The following CSGALNACT1 variants were observed in gnomAD, a reference collection of about 807,000 sequenced individuals.
CSGALNACT1 encodes the protein chondroitin sulfate N-acetylgalactosaminyltransferase 1.
A neutral mutation model predicts 51.0 loss-of-function variants in CSGALNACT1; 52 were observed. The ratio of observed to expected loss-of-function variants is 1.02; its 90% confidence interval spans 0.82 to 1.29. The LOEUF (loss-of-function observed/expected upper bound fraction) is 1.29, where lower values mean the gene tolerates loss of function less well. Ranked by LOEUF, CSGALNACT1 falls within the 50% of genes most tolerant of loss-of-function variation. The pLI, the probability that CSGALNACT1 is intolerant of heterozygous loss-of-function variation, is 0.00. For synonymous variants in CSGALNACT1, 341 were observed against 254.4 expected, an observed-to-expected ratio of 1.34 and a Z score of -3.24; for missense variants, 935 against 679.2, an observed-to-expected ratio of 1.38 and a Z score of -4.19.
At chr8:19,561,370 G>A (rs1172308481) in intron 3 of CSGALNACT1, among the ~76,000 whole-genome samples, 1 of 152,178 alleles carries the variant, frequency 6.6e-6, no homozygotes, top group Non-Finnish European at 1.5e-5. Context: ...TTTGGACATA[G>A]GTTGGATAAG....
At chr8:19,426,715 A>G (rs2058829028) in intron 6 of CSGALNACT1, among the ~76,000 whole-genome samples, 1 of 152,198 alleles carries the variant, frequency 6.6e-6, no homozygotes, top group Non-Finnish European at 1.5e-5. Context: ...AGTTACACAG[A>G]GTCATTTTTA....
intron 1 of CSGALNACT1, among the ~76,000 whole-genome samples, chr8:19,610,942 C>T (rs977453472): frequency 7.2e-5 from 11 of 152,236 alleles, no homozygotes; most frequent in African/African-American, 2.7e-4. Flanking sequence ...CTGTCAACGT[C>T]CACCCCGAGA....
chr8:19,528,863 C>G (rs902178886), intron 3 of CSGALNACT1, among the ~76,000 whole-genome samples: 1 of 152,144 alleles, frequency 6.6e-6, no homozygotes, highest in Non-Finnish European at 1.5e-5. Context: ...CCTAGATACC[C>G]CAAACGCTAA....
chr8:19,664,090 G>A (rs932617725), intron 1 of CSGALNACT1, among the ~76,000 whole-genome samples: 4 of 152,172 alleles, frequency 2.6e-5, no homozygotes, highest in Admixed American at 1.3e-4. Context: ...ACAATGGCTC[G>A]GCCCAGGCTC....
At chr8:19,677,907 T>C (rs2060312075) in intron 1 of CSGALNACT1, among the ~76,000 whole-genome samples, 1 of 152,058 alleles carries the variant, frequency 6.6e-6, no homozygotes, top group Non-Finnish European at 1.5e-5. Context: ...AAGACTGTTT[T>C]TCAATAAAAC....
Position 19,447,983 on chromosome 8 carries a change from A to T in CSGALNACT1, c.852-8052T>A, listed in dbSNP as rs759276298. On this transcript the variant is annotated intron_variant, in intron 5 of 9. Transcript: ENST00000454498. ...TGGTGGTGGGTACGGTAGCAGCAGCAGCCTCATGCCATTAGGGAGTGATAG... is the reference window on the plus strand; with the variant it reads ...TGGTGGTGGGTACGGTAGCAGCAGCTGCCTCATGCCATTAGGGAGTGATAG... Among the ~76,000 whole-genome samples the T allele has an allele frequency of 1.3e-5, 2 of 152,228 alleles. 1 individual carries two copies. The highest frequency in any genetic ancestry group is 2.9e-5 in the Non-Finnish European group (2 of 68,038).
chr8:19,484,093 T>C (rs2072229289), intron 4 of CSGALNACT1, among the ~76,000 whole-genome samples: 1 of 152,222 alleles, frequency 6.6e-6, no homozygotes, highest in Non-Finnish European at 1.5e-5. Context: ...TCTTAGGAGC[T>C]GTCACAGTGA....
At position 19,556,967 on chromosome 8, in the gene CSGALNACT1, ACT is replaced by A. The variant is rs199930322; in HGVS notation, c.-297+34191_-297+34192del. ...CACCACTGCAGATGAGAAGGATCAT[ACT>A]CTCTGCCCAGCCAAAAAAAAAAAAA... On this transcript the variant is annotated intron_variant, in intron 3 of 9. Transcript: ENST00000454498. Among the ~76,000 whole-genome samples the A allele has an allele frequency of 8.8e-3, 1,277 of 144,838 alleles. 20 individuals carry two copies. The highest frequency in any genetic ancestry group is 0.032 in the African/African-American group (1,222 of 38,146).
intron 1 of CSGALNACT1, among the ~76,000 whole-genome samples, chr8:19,659,776 C>T (rs1323813691): frequency 6.6e-6 from 1 of 152,184 alleles, no homozygotes; most frequent in Non-Finnish European, 1.5e-5. Context: ...GCATGCAGCT[C>T]AGAGCACTGT....
chr8:19,413,450 C>T (rs1479886431), intron 8 of CSGALNACT1, among the ~76,000 whole-genome samples: 6 of 152,120 alleles, frequency 3.9e-5, no homozygotes, highest in African/African-American at 7.2e-5. Flanking sequence ...CGTGAGATAA[C>T]GTGGGCACCG....
intron 4 of CSGALNACT1, among the ~76,000 whole-genome samples, chr8:19,502,768 C>A (rs1023553875): frequency 2.6e-5 from 4 of 152,192 alleles, no homozygotes; most frequent in African/African-American, 9.7e-5. Context: ...AAATCTCAAA[C>A]CAGACCTTTC....
chr8:19,635,406 G>A (rs55868162), intron 1 of CSGALNACT1, among the ~76,000 whole-genome samples: 1,791 of 152,322 alleles, frequency 0.012, 18 homozygotes, highest in Middle Eastern at 0.024. Flanking sequence ...GCCTACTGGT[G>A]TTTTTCCTCA....
intron 1 of CSGALNACT1, among the ~76,000 whole-genome samples, chr8:19,627,270 G>C (rs935699304): frequency 2.2e-4 from 33 of 152,088 alleles, no homozygotes; most frequent in African/African-American, 7.7e-4. Context: ...CAAGATTATA[G>C]AGAGTGAAAA....
chr8:19,595,964 A>AGG (rs2154138138), intron 2 of CSGALNACT1, among the ~76,000 whole-genome samples: 1 of 151,236 alleles, frequency 6.6e-6, no homozygotes, highest in African/African-American at 2.4e-5. Context: ...TTCTGGCTCA[A>AGG]GGGATCCTCC....
chr8:19,420,107 C>T (rs913647492), intron 7 of CSGALNACT1, among the ~76,000 whole-genome samples: 7 of 152,208 alleles, frequency 4.6e-5, no homozygotes, highest in African/African-American at 1.7e-4. Context: ...CCCAGCCATG[C>T]AGAACTATGA....
intron 6 of CSGALNACT1, among the ~76,000 whole-genome samples, chr8:19,429,570 A>G (rs978860350): frequency 4.6e-5 from 7 of 152,114 alleles, no homozygotes; most frequent in African/African-American, 1.4e-4. Flanking sequence ...CATTCTCTTT[A>G]TGTCTGAATA....
chr8:19,439,032 G>A (rs758916167), intron 6 of CSGALNACT1, among the ~76,000 whole-genome samples: 3 of 152,108 alleles, frequency 2.0e-5, no homozygotes, highest in Non-Finnish European at 4.4e-5. Flanking sequence ...ACCTTCACTT[G>A]CACAGAAACC....
chr8:19,507,872 C>T (rs1465188727), intron 3 of CSGALNACT1, among the ~76,000 whole-genome samples: 1 of 152,218 alleles, frequency 6.6e-6, no homozygotes, highest in African/African-American at 2.4e-5. Flanking sequence ...TGTGATCCGC[C>T]CGCCTCGGCC....
chr8:19,603,118 A>C (rs112452229), upstream of CSGALNACT1, among the ~76,000 whole-genome samples: 1 of 95,654 alleles, frequency 1.0e-5, no homozygotes, highest in Non-Finnish European at 1.9e-5. Context: ...TGCAGGAATT[A>C]AAAAAAAAAA....
Sources: allele counts gnomAD v4.1 joint callset (sites outside exome capture counted in the v4.1 genomes callset), GRCh38; gene constraint gnomAD v4.1.1; transcripts MANE v1.5; gene names NCBI Gene and HGNC (gene_info 2026-07-23, HGNC 2026-07-21).